DPYD: variants seen among roughly 807,000 people sequenced by gnomAD.
DPYD encodes the protein dihydropyrimidine dehydrogenase, also known as dihydropyrimidine dehydrogenase [NADP(+)].
In DPYD, 109 loss-of-function variants were observed where a neutral mutation model predicts 116.2. The observed-to-expected ratio is 0.94, with a 90% CI of 0.80 to 1.10. The LOEUF (loss-of-function observed/expected upper bound fraction) is 1.10, where lower values mean the gene tolerates loss of function less well. Among genes scored for constraint, DPYD ranks in the 50% least tolerant of loss-of-function variants. DPYD has a pLI of 0.00. For missense variants in DPYD, 1,302 were observed against 1,254.5 expected, an observed-to-expected ratio of 1.04 and a Z score of -0.57; for synonymous variants, 440 against 432.0, an observed-to-expected ratio of 1.02 and a Z score of -0.23.
At chr1:97,714,197 T>C (rs967099573) in intron 5 of DPYD, among the ~76,000 whole-genome samples, 1 of 151,982 alleles carries the variant, frequency 6.6e-6, no homozygotes, top group African/African-American at 2.4e-5. Flanking sequence ...AGGCTCCTCG[T>C]CACATAGACC....
chr1:97,842,919 T>C (rs1670108001), intron 2 of DPYD, among the ~76,000 whole-genome samples: 1 of 152,114 alleles, frequency 6.6e-6, no homozygotes, highest in African/African-American at 2.4e-5. Context: ...CATCCTCTTG[T>C]TCTGCACTTG....
intron 18 of DPYD, among the ~76,000 whole-genome samples, chr1:97,254,276 T>A (rs1324563681): frequency 6.6e-6 from 1 of 152,112 alleles, no homozygotes; most frequent in Non-Finnish European, 1.5e-5. Flanking sequence ...CATATACTTT[T>A]TATATATATA....
At chr1:97,178,571 C>T (rs1279324577) in intron 20 of DPYD, among the ~76,000 whole-genome samples, 1 of 152,088 alleles carries the variant, frequency 6.6e-6, no homozygotes, top group Non-Finnish European at 1.5e-5. Flanking sequence ...GATCCAGTCA[C>T]CTCTCACCAG....
chr1:97,598,693 T>A (rs1001676075), intron 8 of DPYD, among the ~76,000 whole-genome samples: 5 of 152,174 alleles, frequency 3.3e-5, no homozygotes, highest in African/African-American at 1.2e-4. Flanking sequence ...AATTAACTTT[T>A]ATTGACTACA....
At chr1:97,736,850 TTGTGTGTG>T (rs71590232) in intron 4 of DPYD, among the ~76,000 whole-genome samples, 32 of 142,024 alleles carry the variant, frequency 2.3e-4, no homozygotes, top group South Asian at 2.3e-4. Context: ...GTGTGTGCAT[TTGTGTGTG>T]TGTGTGTGTG....
intron 10 of DPYD, among the ~76,000 whole-genome samples, chr1:97,580,147 TATA>T (rs1333727246): frequency 6.6e-6 from 1 of 152,230 alleles, no homozygotes; most frequent in Non-Finnish European, 1.5e-5. Flanking sequence ...GGTTATAAAG[TATA>T]ATGAGCAGAG....
intron 11 of DPYD, among the ~76,000 whole-genome samples, chr1:97,555,513 C>A (rs147162690): frequency 6.6e-6 from 1 of 152,054 alleles, no homozygotes; most frequent in Non-Finnish European, 1.5e-5. Flanking sequence ...TATTGGTGAC[C>A]TTACTCTTTC....
At chr1:97,163,142 A>G (rs1342149127) in intron 20 of DPYD, among the ~76,000 whole-genome samples, 1 of 152,068 alleles carries the variant, frequency 6.6e-6, no homozygotes, top group Non-Finnish European at 1.5e-5. Context: ...GGATCTAATT[A>G]AACTAAAGAG....
At chr1:97,741,504 T>C (rs929880308) in intron 3 of DPYD, among the ~76,000 whole-genome samples, 23 of 152,186 alleles carry the variant, frequency 1.5e-4, no homozygotes, top group South Asian at 6.2e-4. Context: ...CTAGTGTTCA[T>C]AGTTGGAAGC....
rs942607291 is a variant in DPYD at position 97,721,633 on chromosome 1, G to T, written c.360C>A (p.Asn120Lys). 1 of 1,611,296 alleles carries T rather than the reference G, an allele frequency of 6.2e-7. No individual in the cohort carries two copies. Among genetic ancestry groups the T allele is most frequent in the Non-Finnish European group, 8.5e-7 (1 of 1,178,232 alleles). The change falls in exon 5 of 23, where the codon AAC becomes AAA. Residue 120 changes from asparagine (N) to lysine (K), a missense_variant. Transcript: ENST00000370192. ...CCATTCCACAAGTCAGACCAAGTGG[G>T]TTGTCAGAAAATATCATCTTAGCAG... ...YGAAKMIFSDNPLGLTCGMVC... is the reference protein window; with the variant it reads ...YGAAKMIFSDKPLGLTCGMVC...
intron 13 of DPYD, among the ~76,000 whole-genome samples, chr1:97,456,831 T>C (rs1484253228): frequency 1.3e-5 from 2 of 152,104 alleles, no homozygotes; most frequent in African/African-American, 2.4e-5. Context: ...AAAATAATTA[T>C]CATTTAGTGA....
intron 3 of DPYD, among the ~76,000 whole-genome samples, chr1:97,768,240 G>C (rs1665968086): frequency 1.3e-5 from 2 of 152,028 alleles, no homozygotes. Context: ...GTTTCTGAAA[G>C]TTGCTGTATG....
chr1:97,613,851 A>C (rs1191661783), intron 8 of DPYD, among the ~76,000 whole-genome samples: 1 of 152,038 alleles, frequency 6.6e-6, no homozygotes, highest in African/African-American at 2.4e-5. Context: ...TAAAAGTAGC[A>C]GTTCTACCAT....
intron 18 of DPYD, among the ~76,000 whole-genome samples, chr1:97,286,257 T>G (rs1466714673): frequency 6.6e-6 from 1 of 152,322 alleles, no homozygotes; most frequent in South Asian, 2.1e-4. Context: ...CCCCACTCTC[T>G]TCTGGCTTGT....
At chr1:97,276,789 G>A (rs1204665013) in intron 18 of DPYD, among the ~76,000 whole-genome samples, 1 of 152,008 alleles carries the variant, frequency 6.6e-6, no homozygotes, top group Non-Finnish European at 1.5e-5. Flanking sequence ...ACTGTGGAAA[G>A]CAGTTTGGAG....
chr1:97,572,010 C>T (rs1652932903), intron 11 of DPYD, among the ~76,000 whole-genome samples: 1 of 151,808 alleles, frequency 6.6e-6, no homozygotes, highest in East Asian at 1.9e-4. Flanking sequence ...TTAAAGTAAA[C>T]ATGGAAGGCT....
chr1:97,730,875 T>C (rs181809799), intron 4 of DPYD, among the ~76,000 whole-genome samples: 3 of 152,018 alleles, frequency 2.0e-5, no homozygotes, highest in African/African-American at 7.2e-5. Flanking sequence ...CTAGTCATCA[T>C]TAGAGTTGAA....
chr1:97,451,068 A>T (rs1216585994), intron 13 of DPYD, among the ~76,000 whole-genome samples: 6 of 152,164 alleles, frequency 3.9e-5, no homozygotes, highest in Non-Finnish European at 8.8e-5. Context: ...TAGTCATTTA[A>T]GTACCCCTCC....
At chr1:97,257,452 T>TATATATATATATATATAGAGAGAG (rs375490078) in intron 18 of DPYD, among the ~76,000 whole-genome samples, 23 of 126,464 alleles carry the variant, frequency 1.8e-4, no homozygotes, top group African/African-American at 6.6e-4. Flanking sequence ...TATATATATA[T>TATATATATATATATATAGAGAGAG]AGAGAGAGAG....
Sources: allele counts gnomAD v4.1 joint callset (sites outside exome capture counted in the v4.1 genomes callset), GRCh38; gene constraint gnomAD v4.1.1; transcripts MANE v1.5; gene names NCBI Gene and HGNC (gene_info 2026-07-23, HGNC 2026-07-21).